KIF6: variants seen among roughly 807,000 people sequenced by gnomAD.
The protein encoded by KIF6 is kinesin family member 6.
A neutral mutation model predicts 112.7 loss-of-function variants in KIF6; 106 were observed. The ratio of observed to expected loss-of-function variants is 0.94; its 90% confidence interval spans 0.80 to 1.11. The LOEUF is 1.11. Ranked by LOEUF, KIF6 falls within the 50% of genes least tolerant of loss-of-function variation. The pLI is 0.00. For missense variants in KIF6, 929 were observed against 964.0 expected (o/e 0.96, Z 0.48); for synonymous variants, 339 against 339.9 (o/e 1.00, Z 0.03).
rs567148460 is a variant in KIF6 at position 39,657,048 on chromosome 6, T to C, written c.252-17291A>G. On this transcript the variant is annotated intron_variant, in intron 3 of 22. Coordinates refer to ENST00000287152, the MANE Select transcript of KIF6 (RefSeq NM_145027.6). Reference sequence around the variant, plus strand: ...GAGTTTGAGACCAGCCTGACCAACATGGAGAAACCCCGTCTCTACTAAAAA... The same window carrying C: ...GAGTTTGAGACCAGCCTGACCAACACGGAGAAACCCCGTCTCTACTAAAAA... Among the ~76,000 whole-genome samples, 3 of 152,058 alleles carry C rather than the reference T, an allele frequency of 2.0e-5. No individual in the cohort carries two copies. In the South Asian group the frequency reaches 6.2e-4, roughly 32 times the overall value.
intron 13 of KIF6, among the ~76,000 whole-genome samples, chr6:39,447,374 C>T (rs1051029358): frequency 7.9e-5 from 12 of 152,348 alleles, no homozygotes; most frequent in South Asian, 4.1e-4. Flanking sequence ...GGCTCCCAAA[C>T]TCCTCTCCTG....
intron 13 of KIF6, among the ~76,000 whole-genome samples, chr6:39,517,987 C>G (rs1340317958): frequency 6.6e-6 from 1 of 152,108 alleles, no homozygotes; most frequent in Admixed American, 6.6e-5. Flanking sequence ...GTTTACAGAA[C>G]AAAGTGGGTC....
At chr6:39,590,451 A>ATATATATTTT (rs1338373703) in intron 7 of KIF6, among the ~76,000 whole-genome samples, 1 of 84,778 alleles carries the variant, frequency 1.2e-5, no homozygotes, top group African/African-American at 5.1e-5. Context: ...ATATATATAT[A>ATATATATTTT]TTTTTTTTTT....
At chr6:39,563,176 G>A (rs1343167847) in intron 10 of KIF6, among the ~76,000 whole-genome samples, 2 of 152,280 alleles carry the variant, frequency 1.3e-5, no homozygotes, top group African/African-American at 4.8e-5. Context: ...AGGAAGTGGT[G>A]GTTTCAGTGA....
chr6:39,500,576 G>A (rs541294639), intron 13 of KIF6, among the ~76,000 whole-genome samples: 2 of 152,230 alleles, frequency 1.3e-5, no homozygotes, highest in Non-Finnish European at 2.9e-5. Context: ...TACAATCTGA[G>A]GCAAGTTGCT....
chr6:39,714,798 G>C (rs1426824247), intron 2 of KIF6, 32 bp from the exon 3 acceptor site: 1 of 1,355,386 alleles, frequency 7.4e-7, no homozygotes, highest in African/African-American at 1.4e-5. Flanking sequence ...TTATTTAAAA[G>C]CTGCACCTCC....
chr6:39,517,165 A>AT (rs575728206), intron 13 of KIF6, among the ~76,000 whole-genome samples: 7 of 152,106 alleles, frequency 4.6e-5, no homozygotes, highest in African/African-American at 7.2e-5. Flanking sequence ...AAGTAGAATG[A>AT]TTGCTATGCC....
rs34765078 is a variant in KIF6, at chr6:39,362,138, T to G, written c.1946+296A>C. Among the ~76,000 whole-genome samples, 687 of 152,120 alleles carry G rather than the reference T, an allele frequency of 4.5e-3. 6 individuals carry two copies. The highest frequency in any genetic ancestry group is 3.7e-3 in the Non-Finnish European group (251 of 68,006). ...CTCGGAGGGAAGTGGACTTCAGCCA[T>G]AGGCACGCGGAAAACCACCGTGGTC... On this transcript the variant is annotated intron_variant, in intron 17 of 22. Transcript: ENST00000287152.
intron 9 of KIF6, among the ~76,000 whole-genome samples, chr6:39,579,754 A>G (rs1781187222): frequency 6.6e-6 from 1 of 151,960 alleles, no homozygotes; most frequent in African/African-American, 2.4e-5. Flanking sequence ...ATAGGGATCA[A>G]ATTTTAATTT....
intron 5 of KIF6, among the ~76,000 whole-genome samples, chr6:39,630,317 C>T (rs1784291687): frequency 6.6e-6 from 1 of 151,982 alleles, no homozygotes; most frequent in South Asian, 2.1e-4. Context: ...TCTTCTTATC[C>T]ATGAACATGG....
At chr6:39,614,409 G>A (rs989268799) in intron 5 of KIF6, among the ~76,000 whole-genome samples, 1 of 152,148 alleles carries the variant, frequency 6.6e-6, no homozygotes, top group Non-Finnish European at 1.5e-5. Flanking sequence ...ATGGACATGT[G>A]TAATTTTCTT....
At chr6:39,614,498 T>C (rs1783401509) in intron 5 of KIF6, among the ~76,000 whole-genome samples, 1 of 152,194 alleles carries the variant, frequency 6.6e-6, no homozygotes, top group African/African-American at 2.4e-5. Context: ...TTCCCTTTTG[T>C]AAGAAAGTTA....
At chr6:39,535,064 A>T (rs956740562) in intron 13 of KIF6, among the ~76,000 whole-genome samples, 1 of 152,238 alleles carries the variant, frequency 6.6e-6, no homozygotes, top group African/African-American at 2.4e-5. Context: ...TGAAGGAAGC[A>T]CTAAACATGG....
intron 10 of KIF6, among the ~76,000 whole-genome samples, chr6:39,574,618 AT>A (rs149812007): frequency 6.6e-4 from 101 of 152,068 alleles, no homozygotes; most frequent in African/African-American, 2.4e-3. Context: ...GGCTCTAAAA[AT>A]TTTCTACAAT....
At chr6:39,607,758 G>A (rs1233757457) in intron 6 of KIF6, among the ~76,000 whole-genome samples, 1 of 152,020 alleles carries the variant, frequency 6.6e-6, no homozygotes, top group Non-Finnish European at 1.5e-5. Context: ...TAAGATCAAG[G>A]CCAAAATATA....
chr6:39,672,642 A>G (rs918899737), intron 3 of KIF6, among the ~76,000 whole-genome samples: 1 of 152,164 alleles, frequency 6.6e-6, no homozygotes, highest in East Asian at 1.9e-4. Flanking sequence ...TCCACAATCA[A>G]GGCTTGACAG....
chr6:39,591,454 G>A (rs1436880812), intron 7 of KIF6, among the ~76,000 whole-genome samples: 1 of 152,138 alleles, frequency 6.6e-6, no homozygotes, highest in East Asian at 1.9e-4. Flanking sequence ...TCACAAAAAT[G>A]TTTTAAAGAT....
chr6:39,468,571 A>G lies in KIF6; in HGVS notation c.1646-37410T>C, dbSNP rs11963246. ...GAAGCCAATGGAATGACACACTGAA[A>G]TACTGATGAAGAAAAAGCTGTCAAC... On this transcript the variant is annotated intron_variant, in intron 13 of 22. Coordinates refer to ENST00000287152, the MANE Select transcript of KIF6 (RefSeq NM_145027.6). 2.2e-3 allele frequency among the ~76,000 whole-genome samples: 332 copies of G among 152,288 alleles called. 2 individuals are homozygous for G. The highest frequency in any genetic ancestry group is 0.01 in the Middle Eastern group (3 of 294).
chr6:39,447,133 C>T (rs1476217979), intron 13 of KIF6, among the ~76,000 whole-genome samples: 1 of 152,140 alleles, frequency 6.6e-6, no homozygotes, highest in East Asian at 1.9e-4. Context: ...CTGAAATGGT[C>T]AGTCTGCCTC....
Sources: allele counts gnomAD v4.1 joint callset (sites outside exome capture counted in the v4.1 genomes callset), GRCh38; gene constraint gnomAD v4.1.1; transcripts MANE v1.5; gene names NCBI Gene and HGNC (gene_info 2026-07-23, HGNC 2026-07-21).